Variants in AMD1 observed in about 807,000 individuals in gnomAD.
AMD1 encodes adenosylmethionine decarboxylase 1.
A neutral mutation model predicts 40.2 loss-of-function variants in AMD1; 11 were observed. That is an observed-to-expected ratio of 0.27 (90% confidence interval 0.17 to 0.45). The LOEUF (loss-of-function observed/expected upper bound fraction) is 0.45. AMD1 is among the 20% of genes least tolerant of loss of function. The probability of loss-of-function intolerance (pLI) is 1.00; values close to 1 mark genes in which losing one functional copy is unlikely to be tolerated. For synonymous variants in AMD1, 121 were observed against 130.8 expected, an observed-to-expected ratio of 0.93 and a Z score of 0.51; for missense variants, 257 against 410.2, an observed-to-expected ratio of 0.63 and a Z score of 3.23.
chr6:110,890,538 T>C (rs192964040), intron 4 of AMD1, among the ~76,000 whole-genome samples, 182 bp downstream of exon 4: 13 of 152,308 alleles, frequency 8.5e-5, no homozygotes, highest in African/African-American at 3.1e-4. Flanking sequence ...CCCATGCTGG[T>C]GCAGTGGTGT....
At chr6:110,842,622 A>G in the AMD1 span, among the ~76,000 whole-genome samples, 1 of 152,144 alleles carries the variant, frequency 6.6e-6, no homozygotes, top group African/African-American at 2.4e-5. Flanking sequence ...CATTCAAGCA[A>G]CTGTGGCAGG....
the AMD1 span, among the ~76,000 whole-genome samples, chr6:110,831,195 T>A: frequency 6.6e-6 from 1 of 152,024 alleles, no homozygotes; most frequent in Non-Finnish European, 1.5e-5. Context: ...ATCCCAACAC[T>A]TCAGGAGGCC....
chr6:110,847,974 A>C, the AMD1 span, among the ~76,000 whole-genome samples: 1 of 151,504 alleles, frequency 6.6e-6, no homozygotes, highest in South Asian at 2.1e-4. Flanking sequence ...TCAGCCTCCC[A>C]AAGTGCTGGG....
At chr6:110,860,695 G>A in the AMD1 span, among the ~76,000 whole-genome samples, 2 of 152,042 alleles carry the variant, frequency 1.3e-5, no homozygotes, top group African/African-American at 4.8e-5. Context: ...AGCTATTTGG[G>A]AGGCTGAGGT....
chr6:110,842,858 G>C, the AMD1 span, among the ~76,000 whole-genome samples: 51 of 152,192 alleles, frequency 3.4e-4, no homozygotes, highest in African/African-American at 1.2e-3. Flanking sequence ...AAAACCACCA[G>C]GTGTGGTGGT....
chr6:110,893,595 G>A lies in AMD1; in HGVS notation c.984G>A (p.Lys328=). 6.2e-7 allele frequency: 1 copy of A among 1,613,714 alleles called. No homozygotes were observed. The highest frequency in any genetic ancestry group is 8.5e-7 in the Non-Finnish European group (1 of 1,179,946). Residue 328 remains lysine, a synonymous_variant, in exon 9 of 9, where the codon AAG becomes AAA. Coordinates refer to ENST00000368885, the MANE Select transcript of AMD1 (RefSeq NM_001634.6). ...TTGTTTTTACCAGTTTTGCTAAGAA[G>A]CAGCAACAACAGCAGAGTTGATTAA... ...YNFVFTSFAK[K]QQQQQS
chr6:110,851,025 G>T, the AMD1 span, among the ~76,000 whole-genome samples: 1 of 151,346 alleles, frequency 6.6e-6, no homozygotes, highest in Non-Finnish European at 1.5e-5. Flanking sequence ...GTGCAGTGGT[G>T]CAATCTTGGT....
chr6:110,860,347 T>C, the AMD1 span, among the ~76,000 whole-genome samples: 2 of 152,198 alleles, frequency 1.3e-5, no homozygotes, highest in African/African-American at 4.8e-5. Flanking sequence ...TCCTGAGAAA[T>C]AATATATTTA....
chr6:110,859,068 G>C, the AMD1 span: 6 of 1,273,390 alleles, frequency 4.7e-6, no homozygotes, highest in Non-Finnish European at 6.8e-6. Flanking sequence ...CACAGTGGCC[G>C]ACAGGGCTCC....
At chr6:110,874,600 G>A (rs941673983), upstream of AMD1, among the ~76,000 whole-genome samples, 2 of 151,482 alleles carry the variant, frequency 1.3e-5, no homozygotes, top group African/African-American at 2.5e-5. Flanking sequence ...GCCAGAGCCC[G>A]AGCCGCAGCG....
At chr6:110,856,267 G>C in the AMD1 span, 1 of 151,962 alleles carries the variant, frequency 6.6e-6, no homozygotes, top group African/African-American at 2.4e-5. Flanking sequence ...CTGATGACTG[G>C]ATTTCCTCAT....
the AMD1 span, among the ~76,000 whole-genome samples, chr6:110,830,406 C>A: frequency 6.6e-6 from 1 of 152,134 alleles, no homozygotes; most frequent in Non-Finnish European, 1.5e-5. Flanking sequence ...CAACTCCAGA[C>A]CAGATGGAAG....
the AMD1 span, among the ~76,000 whole-genome samples, chr6:110,850,277 T>C: frequency 3.3e-5 from 5 of 152,214 alleles, no homozygotes; most frequent in African/African-American, 1.2e-4. Flanking sequence ...GTCTTTCATG[T>C]TAAGATGAGG....
chr6:110,846,902 A>G, the AMD1 span, among the ~76,000 whole-genome samples: 1 of 152,050 alleles, frequency 6.6e-6, no homozygotes, highest in Non-Finnish European at 1.5e-5. Flanking sequence ...ATATTTTAGT[A>G]TCTTAATTGC....
chr6:110,833,081 A>G, the AMD1 span, among the ~76,000 whole-genome samples: 1 of 152,214 alleles, frequency 6.6e-6, no homozygotes, highest in Non-Finnish European at 1.5e-5. Flanking sequence ...TCGTCCTCCC[A>G]AAGTGCTGGG....
At chr6:110,818,442 A>G in the AMD1 span, among the ~76,000 whole-genome samples, 1 of 152,338 alleles carries the variant, frequency 6.6e-6, no homozygotes, top group South Asian at 2.1e-4. Flanking sequence ...ATTAATTTGT[A>G]GCTACTTGTG....
chr6:110,830,026 G>GT, the AMD1 span, among the ~76,000 whole-genome samples: 3 of 151,386 alleles, frequency 2.0e-5, no homozygotes, highest in Non-Finnish European at 2.9e-5. Flanking sequence ...TTGTTTGTTT[G>GT]TTTTTTTGAG....
upstream of AMD1, among the ~76,000 whole-genome samples, chr6:110,874,202 C>A (rs1784977052): frequency 6.6e-6 from 1 of 152,246 alleles, no homozygotes; most frequent in South Asian, 2.1e-4. Flanking sequence ...TTCATTCGCA[C>A]ATCAGCCAAG....
At chr6:110,876,470 C>G (rs1785121834) in intron 1 of AMD1, among the ~76,000 whole-genome samples, 1 of 152,216 alleles carries the variant, frequency 6.6e-6, no homozygotes, top group Admixed American at 6.5e-5. Flanking sequence ...TGTCCCTTGA[C>G]AAAAAGCAAC....
Sources: gnomAD v4.1 joint callset for allele counts (sites outside exome capture counted in the v4.1 genomes callset) on GRCh38, gnomAD v4.1.1 for gene constraint, MANE v1.5 for transcripts, NCBI Gene and HGNC (gene_info 2026-07-23, HGNC 2026-07-21) for gene names.